DPP6: variants seen among roughly 807,000 people sequenced by gnomAD.
DPP6 encodes A-type potassium channel modulatory protein DPP6.
In DPP6, 69 loss-of-function variants were observed where a neutral mutation model predicts 122.6. That is an observed-to-expected ratio of 0.56 (90% CI 0.46 to 0.69). The LOEUF is 0.69. Among genes scored for constraint, DPP6 ranks in the 30% least tolerant of loss-of-function variants. The pLI, the probability that DPP6 is intolerant of heterozygous loss-of-function variation, is 0.00. For missense variants in DPP6, 928 were observed against 1,116.9 expected (o/e 0.83, Z 2.41); for synonymous variants, 418 against 433.1 (o/e 0.97, Z 0.43).
At chr7:154,179,591 C>A (rs999102592) in intron 1 of DPP6, among the ~76,000 whole-genome samples, 8 of 152,176 alleles carry the variant, frequency 5.3e-5, no homozygotes, top group Non-Finnish European at 7.3e-5. Context: ...CAAGCTGATA[C>A]CAATAATGGC....
At chr7:154,278,538 C>T (rs1804287204) in intron 1 of DPP6, among the ~76,000 whole-genome samples, 1 of 152,132 alleles carries the variant, frequency 6.6e-6, no homozygotes, top group South Asian at 2.1e-4. Context: ...TCTGTTCCCT[C>T]GAATGAAAAA....
intron 3 of DPP6, among the ~76,000 whole-genome samples, chr7:154,521,563 T>G (rs538195963): frequency 2.6e-5 from 4 of 152,320 alleles, no homozygotes; most frequent in African/African-American, 7.2e-5. Flanking sequence ...GGCAATGCAT[T>G]AATCAAAGGC....
chr7:154,118,152 C>A (rs1240658877), intron 1 of DPP6, among the ~76,000 whole-genome samples: 2 of 150,580 alleles, frequency 1.3e-5, no homozygotes, highest in East Asian at 3.9e-4. Flanking sequence ...CTAGTGTTAC[C>A]AGTACCACAG....
intron 1 of DPP6, among the ~76,000 whole-genome samples, chr7:154,398,983 A>G (rs936967724): frequency 6.6e-6 from 1 of 152,194 alleles, no homozygotes; most frequent in Non-Finnish European, 1.5e-5. Flanking sequence ...CTTTCCAATG[A>G]CGCCTTTATG....
Position 154,457,822 on chromosome 7 carries a change from T to G in DPP6, c.358+11494T>G, listed in dbSNP as rs1416717431. ...GAATATCACACTCTGGGGACTGTGG[T>G]GGGGTCGGGGGAGGGGGGAGGGATA... On this transcript the variant is annotated intron_variant, in intron 2 of 25. Transcript: ENST00000377770. Among the ~76,000 whole-genome samples the G allele has an allele frequency of 1.1e-4, 2 of 18,142 alleles. 1 individual carries two copies. Among genetic ancestry groups the G allele is most frequent in the Non-Finnish European group, 2.1e-4 (2 of 9,674 alleles). The allele number at this position is 18,142 out of a possible 152,430, so 11.9% of individuals were successfully genotyped here. A position where few individuals can be genotyped will look rare whatever the true frequency, so the allele number is the denominator to read the frequency against.
At chr7:153,942,715 G>A (rs1801754227) in intron 1 of DPP6, among the ~76,000 whole-genome samples, 1 of 152,224 alleles carries the variant, frequency 6.6e-6, no homozygotes, top group African/African-American at 2.4e-5. Flanking sequence ...GGCACAGGAA[G>A]GTGGGATCCC....
At chr7:154,214,819 C>G (rs1327818019) in intron 1 of DPP6, among the ~76,000 whole-genome samples, 1 of 152,006 alleles carries the variant, frequency 6.6e-6, no homozygotes, top group East Asian at 1.9e-4. Context: ...TTAGGAGGCT[C>G]AGGTGGGAGG....
chr7:154,596,266 T>C (rs1833084038), intron 5 of DPP6, among the ~76,000 whole-genome samples: 2 of 152,260 alleles, frequency 1.3e-5, no homozygotes, highest in South Asian at 4.1e-4. Flanking sequence ...AACTGCCCTA[T>C]TTTTTCCTTC....
At chr7:154,545,520 C>CTTCA (rs1168981761) in intron 4 of DPP6, among the ~76,000 whole-genome samples, 10 of 147,940 alleles carry the variant, frequency 6.8e-5, no homozygotes, top group Non-Finnish European at 1.3e-4. Context: ...TCCTTCCTTC[C>CTTCA]TTCCTTGTAG....
chr7:154,262,865 C>T (rs981332415), intron 1 of DPP6, among the ~76,000 whole-genome samples: 1 of 152,114 alleles, frequency 6.6e-6, no homozygotes. Flanking sequence ...GTATTTTTCA[C>T]GCACTGTTAC....
chr7:153,847,383 T>C, the DPP6 span, among the ~76,000 whole-genome samples: 12 of 152,326 alleles, frequency 7.9e-5, no homozygotes, highest in Admixed American at 6.5e-4. Flanking sequence ...AATTCCAACA[T>C]GTTGATGATC....
chr7:153,988,641 C>G (rs1796966988), intron 1 of DPP6, among the ~76,000 whole-genome samples: 1 of 152,170 alleles, frequency 6.6e-6, no homozygotes, highest in African/African-American at 2.4e-5. Flanking sequence ...AGAGCGGGGC[C>G]CGGAGAAAGG....
At chr7:154,489,851 A>C (rs1208494989) in intron 3 of DPP6, among the ~76,000 whole-genome samples, 1 of 152,188 alleles carries the variant, frequency 6.6e-6, no homozygotes, top group Non-Finnish European at 1.5e-5. Flanking sequence ...TCAAGGATCA[A>C]CAAAAAGCCA....
chr7:154,296,192 C>T (rs957032939), intron 1 of DPP6, among the ~76,000 whole-genome samples: 1 of 152,038 alleles, frequency 6.6e-6, no homozygotes, highest in Admixed American at 6.6e-5. Context: ...GATCCGCCTG[C>T]CTCGGCCTCG....
chr7:154,035,529 A>C (rs1005645577), intron 1 of DPP6, among the ~76,000 whole-genome samples: 1 of 152,036 alleles, frequency 6.6e-6, no homozygotes, highest in African/African-American at 2.4e-5. Context: ...TCCTTGCAGG[A>C]ATTACTTGTA....
At chr7:154,640,916 G>T (rs1197111896) in intron 6 of DPP6, among the ~76,000 whole-genome samples, 1 of 151,978 alleles carries the variant, frequency 6.6e-6, no homozygotes, top group African/African-American at 2.4e-5. Context: ...AAAGCCAGAG[G>T]CCGTGCAATC....
At chr7:154,803,194 A>G (rs894129830) in intron 13 of DPP6, among the ~76,000 whole-genome samples, 1 of 152,068 alleles carries the variant, frequency 6.6e-6, no homozygotes, top group African/African-American at 2.4e-5. Context: ...CCCACCTCCC[A>G]GGGCATCTGC....
At chr7:154,430,644 C>T (rs148058842) in intron 1 of DPP6, among the ~76,000 whole-genome samples, 8 of 152,278 alleles carry the variant, frequency 5.3e-5, no homozygotes, top group Admixed American at 3.9e-4. Flanking sequence ...CTTCCCCAGC[C>T]GTGCAACACA....
the DPP6 span, among the ~76,000 whole-genome samples, chr7:153,786,014 T>A: frequency 3.3e-5 from 5 of 152,178 alleles, no homozygotes; most frequent in Non-Finnish European, 7.3e-5. Flanking sequence ...TGTAATAGTT[T>A]ATCTACTGCT....
Sources: allele counts gnomAD v4.1 joint callset (sites outside exome capture counted in the v4.1 genomes callset), GRCh38; gene constraint gnomAD v4.1.1; transcripts MANE v1.5; gene names NCBI Gene and HGNC (gene_info 2026-07-23, HGNC 2026-07-21).